PRKACA: variants seen among roughly 807,000 people sequenced by gnomAD.
The protein encoded by PRKACA is cAMP-dependent protein kinase catalytic subunit alpha.
PRKACA carries 9 observed loss-of-function variants against 45.8 expected under a neutral mutation model. The observed-to-expected ratio is 0.20, with a 90% CI of 0.12 to 0.34. PRKACA has a LOEUF of 0.34. Among genes scored for constraint, PRKACA ranks in the 10% least tolerant of loss-of-function variants. The probability of loss-of-function intolerance (pLI) is 1.00; values close to 1 mark genes in which losing one functional copy is unlikely to be tolerated. For synonymous variants in PRKACA, 160 were observed against 178.6 expected (o/e 0.90, Z 0.83); for missense variants, 238 against 458.6 (o/e 0.52, Z 4.39).
intron 3 of PRKACA, 63 bp downstream of exon 3, chr19:14,106,697 G>A: frequency 6.2e-7 from 1 of 1,606,258 alleles, no homozygotes; most frequent in Non-Finnish European, 8.5e-7. Context: ...GCACTCTAAG[G>A]AGTGGGCACA....
intron 1 of PRKACA, among the ~76,000 whole-genome samples, chr19:14,110,930 C>G (rs912146290): frequency 6.6e-6 from 1 of 152,230 alleles, no homozygotes; most frequent in Non-Finnish European, 1.5e-5. Flanking sequence ...GCCTTCAACC[C>G]CCTGATGTTC....
intron 1 of PRKACA, chr19:14,108,075 T>C (rs1254213692): frequency 1.0e-6 from 1 of 985,442 alleles, no homozygotes; most frequent in Non-Finnish European, 1.2e-6. Flanking sequence ...CAACCTGCCT[T>C]GTATCCATTG....
intron 5 of PRKACA, 123 bp from the exon 6 acceptor site, chr19:14,098,013 A>C: frequency 7.7e-7 from 1 of 1,295,606 alleles, no homozygotes; most frequent in Non-Finnish European, 1.1e-6. Flanking sequence ...AACGCAAGGC[A>C]CCTGATTCTT....
intron 3 of PRKACA, among the ~76,000 whole-genome samples, chr19:14,106,440 G>A (rs1977605576): frequency 6.6e-6 from 1 of 152,032 alleles, no homozygotes. Context: ...TATCACCTGA[G>A]GTCAGGAATT....
At chr19:14,099,937 G>A (rs1283560767) in intron 5 of PRKACA, among the ~76,000 whole-genome samples, 1 of 152,050 alleles carries the variant, frequency 6.6e-6, no homozygotes, top group African/African-American at 2.4e-5. Flanking sequence ...TCCGCCTCCC[G>A]GGTTCACGCC....
intron 5 of PRKACA, among the ~76,000 whole-genome samples, chr19:14,100,072 T>C (rs1178163650): frequency 6.6e-6 from 1 of 151,978 alleles, no homozygotes; most frequent in Non-Finnish European, 1.5e-5. Context: ...CTTGATCTCC[T>C]GACCTCGTGA....
chr19:14,093,813 A>T, intron 8 of PRKACA, 21 bp from the exon 9 acceptor site: 1 of 1,602,490 alleles, frequency 6.2e-7, no homozygotes, highest in Non-Finnish European at 8.5e-7. Context: ...GGGTACAAGG[A>T]CAGGGTGGGA....
At chr19:14,103,886 C>G (rs765967637) in intron 3 of PRKACA, among the ~76,000 whole-genome samples, 1 of 150,592 alleles carries the variant, frequency 6.6e-6, no homozygotes, top group Non-Finnish European at 1.5e-5. Context: ...GGCAATGTAG[C>G]GAGACCCCAT....
At chr19:14,106,990 G>A (rs1977632216) in intron 2 of PRKACA, 102 bp from the exon 3 acceptor site, 1 of 1,466,506 alleles carries the variant, frequency 6.8e-7, no homozygotes, top group Non-Finnish European at 9.3e-7. Flanking sequence ...GGGGCCCCGG[G>A]GAGCACGTGG....
At chr19:14,114,275 T>TG in intron 1 of PRKACA, 2 of 1,410,350 alleles carry the variant, frequency 1.4e-6, no homozygotes, top group Non-Finnish European at 2.0e-6. Flanking sequence ...TAGGGAGCCG[T>TG]GGGGTGGGAG....
rs1235426750 is a variant in PRKACA, at chr19:14,093,643, G to A, written c.915C>T (p.Ala305=). The A allele has an allele frequency of 1.2e-6, 2 of 1,613,760 alleles. No individual in the cohort carries two copies. The highest frequency in any genetic ancestry group is 1.7e-5 in the Admixed American group (1 of 59,964). Residue 305 remains alanine (A), a synonymous_variant, in exon 9 of 10, where the codon GCC becomes GCT. Transcript: ENST00000308677. ...GGAGGCCCACCTTCCTCTGGTAGAT[G>A]GCAATCCAGTCAGTTGTGGCAAACC... ...HKWFATTDWI[A]IYQRKVEAPF... is the part of the protein sequence containing the mutation.
intron 1 of PRKACA, among the ~76,000 whole-genome samples, chr19:14,109,991 T>TACACACACAC (rs1966917171): frequency 1.2e-5 from 1 of 80,724 alleles, no homozygotes; most frequent in African/African-American, 6.8e-5. Flanking sequence ...TATATATATA[T>TACACACACAC]ATATATATAC....
chr19:14,104,398 A>G (rs1027887600), intron 3 of PRKACA, among the ~76,000 whole-genome samples: 3 of 145,602 alleles, frequency 2.1e-5, no homozygotes, highest in African/African-American at 7.6e-5. Context: ...TGTCTCTACT[A>G]AAAATATTTA....
chr19:14,107,905 G>C, intron 1 of PRKACA: 1 of 989,916 alleles, frequency 1.0e-6, no homozygotes, highest in Non-Finnish European at 1.2e-6. Flanking sequence ...GCAATCGCAA[G>C]GGCATTGCTC....
chr19:14,106,741 C>G lies in PRKACA; in HGVS notation c.237+19G>C, dbSNP rs368065594. On this transcript the variant is annotated intron_variant, in intron 3 of 9. Coordinates refer to ENST00000308677, the MANE Select transcript of PRKACA (RefSeq NM_002730.4). ...AAAGGCCTGACAGGCAGGCCCTGAG[C>G]GAGGACAGGCCACCTCACCTTCTGT... The G allele has an allele frequency of 6.2e-7, 1 of 1,613,726 alleles. No homozygotes were observed. Among genetic ancestry groups the G allele is most frequent in the East Asian group, 2.2e-5 (1 of 44,868 alleles).
At chr19:14,116,375 G>A (rs1967105966) in intron 1 of PRKACA, among the ~76,000 whole-genome samples, 1 of 152,146 alleles carries the variant, frequency 6.6e-6, no homozygotes, top group Non-Finnish European at 1.5e-5. Context: ...CTCTGGCTGA[G>A]CCCTGGGAAT....
At chr19:14,109,390 G>C (rs1472073302) in intron 1 of PRKACA, among the ~76,000 whole-genome samples, 1 of 151,984 alleles carries the variant, frequency 6.6e-6, no homozygotes, top group African/African-American at 2.4e-5. Context: ...AGAAGTTGCA[G>C]TGAGCTGAGA....
In PRKACA at chr19:14,093,672, TGTG is replaced by T; in HGVS notation, c.883_885del (p.His295del). On this transcript the variant is annotated inframe_deletion, in exon 9 of 10. Transcript: ENST00000308677. ...ATCCAGTCAGTTGTGGCAAACCACT[TGTG>T]GTTCTTGATATCGTTGACCCCATTC... 6.2e-7 allele frequency: 1 copy of T among 1,614,148 alleles called. No individual in the cohort carries two copies. Among genetic ancestry groups the T allele is most frequent in the Non-Finnish European group, 8.5e-7 (1 of 1,180,020 alleles).
chr19:14,110,708 GA>G (rs1245646298), intron 1 of PRKACA, among the ~76,000 whole-genome samples: 2 of 152,176 alleles, frequency 1.3e-5, no homozygotes, highest in Non-Finnish European at 2.9e-5. Flanking sequence ...GGCTACAAGG[GA>G]CCAGCCCCTT....
Sources: gnomAD v4.1 joint callset for allele counts (sites outside exome capture counted in the v4.1 genomes callset) on GRCh38, gnomAD v4.1.1 for gene constraint, MANE v1.5 for transcripts, NCBI Gene and HGNC (gene_info 2026-07-23, HGNC 2026-07-21) for gene names.